CALN1: variants seen among roughly 807,000 people sequenced by gnomAD.
The protein encoded by CALN1 is calneuron 1.
Under a neutral mutation model 30.6 loss-of-function variants are expected in CALN1, and 17 were observed. That is an observed-to-expected ratio of 0.56 (90% CI 0.38 to 0.83). CALN1 has a LOEUF of 0.83. CALN1 is among the 40% of genes least tolerant of loss of function. CALN1 has a pLI of 0.00. For missense variants in CALN1, 291 were observed against 354.9 expected, an observed-to-expected ratio of 0.82 and a Z score of 1.45; for synonymous variants, 156 against 131.4, an observed-to-expected ratio of 1.19 and a Z score of -1.28.
At chr7:72,054,476 C>T (rs865948059) in intron 4 of CALN1, among the ~76,000 whole-genome samples, 111 of 89,596 alleles carry the variant, frequency 1.2e-3, no homozygotes, top group African/African-American at 2.8e-3. Context: ...TACATATATA[C>T]ATACATATAT....
chr7:71,949,136 C>T (rs1004076416), intron 5 of CALN1, among the ~76,000 whole-genome samples: 10 of 150,788 alleles, frequency 6.6e-5, no homozygotes, highest in African/African-American at 2.4e-4. Flanking sequence ...AAAGAATGGC[C>T]ATAAATATTG....
chr7:72,122,290 T>A (rs570941448), intron 3 of CALN1, among the ~76,000 whole-genome samples: 1 of 152,234 alleles, frequency 6.6e-6, no homozygotes, highest in African/African-American at 2.4e-5. Context: ...GGAAACAAAA[T>A]CATTTTGTGG....
intron 2 of CALN1, among the ~76,000 whole-genome samples, chr7:72,325,565 C>T (rs1006431757): frequency 6.6e-6 from 1 of 152,140 alleles, no homozygotes; most frequent in African/African-American, 2.4e-5. Context: ...CACACCATTG[C>T]ACTCCAGCCT....
intron 5 of CALN1, among the ~76,000 whole-genome samples, chr7:71,995,380 TA>T (rs1450294420): frequency 7.2e-5 from 11 of 152,250 alleles, no homozygotes; most frequent in African/African-American, 2.7e-4. Context: ...TGCTCTTTGT[TA>T]GAAAAGAAAT....
chr7:72,226,522 T>C (rs1418078146), intron 3 of CALN1, among the ~76,000 whole-genome samples: 1 of 152,176 alleles, frequency 6.6e-6, no homozygotes, highest in Admixed American at 6.5e-5. Flanking sequence ...CCCACATTGT[T>C]AGGACTTCCT....
At chr7:72,202,383 A>AAAAG (rs1206625663) in intron 3 of CALN1, among the ~76,000 whole-genome samples, 2 of 152,188 alleles carry the variant, frequency 1.3e-5, no homozygotes, top group Admixed American at 1.3e-4. Context: ...CAAAAACAAC[A>AAAAG]AACTAATGAA....
intron 3 of CALN1, among the ~76,000 whole-genome samples, chr7:72,162,664 G>A (rs1788195530): frequency 6.6e-6 from 1 of 152,106 alleles, no homozygotes; most frequent in Admixed American, 6.6e-5. Flanking sequence ...ACTTGAGCCT[G>A]GGAGGCAGAG....
intron 3 of CALN1, among the ~76,000 whole-genome samples, chr7:72,235,602 A>G (rs1293722618): frequency 1.3e-5 from 2 of 152,128 alleles, no homozygotes; most frequent in African/African-American, 4.8e-5. Context: ...ATTAGACTGT[A>G]AAGGGCTCAG....
At chr7:72,145,507 A>G (rs1160967652) in intron 3 of CALN1, among the ~76,000 whole-genome samples, 2 of 152,166 alleles carry the variant, frequency 1.3e-5, no homozygotes, top group Non-Finnish European at 2.9e-5. Flanking sequence ...AAAGTCCAGG[A>G]CCAGACAGAT....
intron 3 of CALN1, among the ~76,000 whole-genome samples, chr7:72,190,723 G>C (rs191704383): frequency 1.5e-3 from 226 of 152,292 alleles, no homozygotes; most frequent in Non-Finnish European, 2.1e-3. Flanking sequence ...GAAAGACTTA[G>C]CTGGCATTTT....
Position 71,888,461 on chromosome 7 carries a change from T to TAA in CALN1, c.502-77971_502-77970dup, listed in dbSNP as rs543941509. Among the ~76,000 whole-genome samples the TAA allele has an allele frequency of 1.4e-3, 148 of 107,096 alleles. 1 individual carries two copies. In the East Asian group the frequency reaches 0.017, roughly 12 times the overall value. 70.3% of individuals were successfully genotyped at this position (107,096 alleles called of 152,430 possible). ...AGAGAGAGAGAAAGACATTTTTTCT[T>TAA]AAAAAAAAAAAAAAAAGCAAAAAAA... On this transcript the variant is annotated intron_variant, in intron 5 of 6. Transcript: ENST00000395275.
chr7:71,918,901 G>A (rs1794807668), intron 5 of CALN1, among the ~76,000 whole-genome samples: 2 of 151,948 alleles, frequency 1.3e-5, no homozygotes, highest in Admixed American at 1.3e-4. Context: ...ACTTTCTTTG[G>A]TTGCATTATA....
intron 4 of CALN1, among the ~76,000 whole-genome samples, chr7:72,087,232 C>G (rs1805540791): frequency 6.6e-6 from 1 of 152,112 alleles, no homozygotes; most frequent in African/African-American, 2.4e-5. Flanking sequence ...ATAAGAAGTA[C>G]CTCTCATAGC....
intron 5 of CALN1, among the ~76,000 whole-genome samples, chr7:71,847,826 AAGGAGAAGGAGAAGGAGAAGG>A (rs1562835880): frequency 3.9e-5 from 4 of 101,540 alleles, no homozygotes; most frequent in Non-Finnish European, 7.4e-5. Flanking sequence ...GGAGAAGGAG[AAGGAGAAGGAGAAGGAGAAGG>A]AGAAGAAGAA....
chr7:72,037,185 C>T (rs774943785), intron 4 of CALN1, among the ~76,000 whole-genome samples: 2 of 151,626 alleles, frequency 1.3e-5, no homozygotes, highest in African/African-American at 2.4e-5. Context: ...CAGTCTCGCA[C>T]TGTCACCCAG....
chr7:71,800,182 T>G (rs543469080), intron 6 of CALN1, among the ~76,000 whole-genome samples: 1 of 152,148 alleles, frequency 6.6e-6, no homozygotes, highest in Non-Finnish European at 1.5e-5. Flanking sequence ...GAATTCCTTC[T>G]GACCTTCCAG....
chr7:72,072,404 A>G (rs1804461494), intron 4 of CALN1, among the ~76,000 whole-genome samples: 1 of 152,220 alleles, frequency 6.6e-6, no homozygotes, highest in Admixed American at 6.5e-5. Flanking sequence ...CCAAGAATCC[A>G]ATATCCAGCA....
intron 5 of CALN1, among the ~76,000 whole-genome samples, chr7:71,855,194 G>A (rs1008539991): frequency 6.6e-6 from 1 of 152,192 alleles, no homozygotes; most frequent in Admixed American, 6.6e-5. Flanking sequence ...CGTTCTCCAA[G>A]TGTGGTCTAT....
intron 4 of CALN1, among the ~76,000 whole-genome samples, chr7:72,105,219 C>T (rs979331981): frequency 7.2e-5 from 11 of 152,288 alleles, no homozygotes; most frequent in African/African-American, 2.6e-4. Context: ...TCCTCCCCTG[C>T]CCCCGCACCT....
Sources: gnomAD v4.1 joint callset for allele counts (sites outside exome capture counted in the v4.1 genomes callset) on GRCh38, gnomAD v4.1.1 for gene constraint, MANE v1.5 for transcripts, NCBI Gene and HGNC (gene_info 2026-07-23, HGNC 2026-07-21) for gene names.